Variants in SLC25A48 observed in about 807,000 individuals in gnomAD.
SLC25A48 encodes the protein CTC-321K16.1.
SLC25A48 carries 29 observed loss-of-function variants against 32.2 expected under a neutral mutation model. The observed-to-expected ratio is 0.90, with a 90% CI of 0.67 to 1.23. The LOEUF is 1.23. Ranked by LOEUF, SLC25A48 falls within the 50% of genes most tolerant of loss-of-function variation. The probability of loss-of-function intolerance (pLI) is 0.00; values close to 1 mark genes in which losing one functional copy is unlikely to be tolerated. For synonymous variants in SLC25A48, 164 were observed against 172.3 expected (o/e 0.95, Z 0.38); for missense variants, 399 against 422.7 (o/e 0.94, Z 0.49).
At chr5:135,619,384 G>T (rs1263432845) in intron 1 of SLC25A48, among the ~76,000 whole-genome samples, 5 of 151,802 alleles carry the variant, frequency 3.3e-5, no homozygotes. Context: ...TAGCTTTTTG[G>T]TAAATTTCTC....
intron 3 of SLC25A48, among the ~76,000 whole-genome samples, chr5:135,785,023 C>G (rs116643235): frequency 3.4e-5 from 2 of 58,164 alleles, no homozygotes; most frequent in Non-Finnish European, 6.5e-5. Context: ...ATAAGGTGGA[C>G]AGGATGATAT....
At chr5:135,766,579 G>T (rs11957028) in intron 3 of SLC25A48, among the ~76,000 whole-genome samples, 45,482 of 150,864 alleles carry the variant, frequency 0.3, 6,945 homozygotes, top group East Asian at 0.46. Context: ...GAAGGAAAGG[G>T]TGATATTACT....
chr5:135,801,434 T>G (rs1757324167), intron 3 of SLC25A48, among the ~76,000 whole-genome samples: 1 of 151,152 alleles, frequency 6.6e-6, no homozygotes, highest in African/African-American at 2.4e-5. Context: ...GCTTGTGATA[T>G]TGTTGGTAAT....
chr5:135,625,921 T>C (rs1580733216), intron 1 of SLC25A48, among the ~76,000 whole-genome samples: 1 of 152,270 alleles, frequency 6.6e-6, no homozygotes, highest in African/African-American at 2.4e-5. Flanking sequence ...AAATCTCTCC[T>C]GTAGGTATCT....
At chr5:135,704,536 G>A (rs2126968961) in intron 3 of SLC25A48, among the ~76,000 whole-genome samples, 1 of 152,132 alleles carries the variant, frequency 6.6e-6, no homozygotes, top group East Asian at 1.9e-4. Flanking sequence ...GTTACTTTAT[G>A]GGACACATGT....
At chr5:135,764,814 C>T (rs1031264176) in intron 3 of SLC25A48, among the ~76,000 whole-genome samples, 6 of 149,704 alleles carry the variant, frequency 4.0e-5, no homozygotes, top group African/African-American at 1.5e-4. Flanking sequence ...CCCCATATCA[C>T]GGGGGGTGTG....
chr5:135,614,914 T>C (rs1226980709), intron 1 of SLC25A48, among the ~76,000 whole-genome samples: 6 of 152,156 alleles, frequency 3.9e-5, no homozygotes, highest in African/African-American at 1.4e-4. Context: ...TAAAAGTGTG[T>C]AGCACCTCCC....
At chr5:135,777,852 T>C (rs1369222359) in intron 3 of SLC25A48, among the ~76,000 whole-genome samples, 2 of 151,700 alleles carry the variant, frequency 1.3e-5, no homozygotes, top group Non-Finnish European at 2.9e-5. Context: ...TGTGATATTG[T>C]TCCTAATGCT....
intron 1 of SLC25A48, among the ~76,000 whole-genome samples, chr5:135,611,719 CACAA>C (rs572713076): frequency 9.0e-4 from 136 of 151,926 alleles, no homozygotes; most frequent in Non-Finnish European, 1.6e-3. Context: ...CTCAAAAAGA[CACAA>C]ACAAACAACC....
At chr5:135,856,718 T>C (rs1760354101) in intron 4 of SLC25A48, among the ~76,000 whole-genome samples, 1 of 152,202 alleles carries the variant, frequency 6.6e-6, no homozygotes, top group Non-Finnish European at 1.5e-5. Context: ...CACAATTCAA[T>C]TTGATTCAAG....
chr5:135,830,602 G>A (rs59267769), upstream of SLC25A48, among the ~76,000 whole-genome samples: 28,850 of 152,172 alleles, frequency 0.19, 2,908 homozygotes, highest in Middle Eastern at 0.25. Context: ...TTCCCAAAGT[G>A]CCATCAACAA....
At chr5:135,721,516 T>G (rs1460398593) in intron 3 of SLC25A48, among the ~76,000 whole-genome samples, 3 of 152,138 alleles carry the variant, frequency 2.0e-5, no homozygotes. Context: ...CACTCACATT[T>G]TAACTGGAGT....
At position 135,835,057 on chromosome 5, in the gene SLC25A48, T is replaced by A. The variant is rs1758381883; in HGVS notation, c.46+164T>A. 4.7e-6 allele frequency: 4 copies of A among 845,408 alleles called. No homozygotes were observed. In the South Asian group the frequency reaches 5.8e-5, roughly 12 times the overall value. The allele number at this position is 845,408 out of a possible 1,614,324, so 52.4% of individuals were successfully genotyped here. A position where few individuals can be genotyped will look rare whatever the true frequency, so the allele number is the denominator to read the frequency against. ...GGCCCCGAGATCCCCCTGGTGGTCT[T>A]GCAGTTGCCAGGGCTAAATTCTGAG... On this transcript the variant is annotated intron_variant, in intron 1 of 7. Transcript: ENST00000681962.
At chr5:135,779,859 A>C (rs1756677293) in intron 3 of SLC25A48, among the ~76,000 whole-genome samples, 1 of 116,178 alleles carries the variant, frequency 8.6e-6, no homozygotes, top group African/African-American at 2.6e-5. Flanking sequence ...AATATCCAGG[A>C]AGGGGGAGGA....
chr5:135,621,347 A>T (rs1183681176), intron 1 of SLC25A48, among the ~76,000 whole-genome samples: 1 of 152,368 alleles, frequency 6.6e-6, no homozygotes, highest in Non-Finnish European at 1.5e-5. Flanking sequence ...TTTCTAAATT[A>T]TGTTTTCAGT....
intron 3 of SLC25A48, chr5:135,649,378 C>T (rs1753049246): frequency 6.6e-6 from 1 of 152,176 alleles, no homozygotes; most frequent in South Asian, 2.1e-4. Flanking sequence ...TTTTCTTCAT[C>T]AAGTGTTGAC....
In SLC25A48 at chr5:135,808,748, G is replaced by A. The variant is rs758811827; in HGVS notation, c.-520-3775G>A. On this transcript the variant is annotated intron_variant, in intron 3 of 10. Coordinates refer to the SLC25A48 transcript ENST00000646290. ...CATGTAAAGCACAAGAACATGGAAG[G>A]TGCTTACTAAATGTTACTTATCTTT... Among the ~76,000 whole-genome samples the A allele has an allele frequency of 2.4e-4, 36 of 152,234 alleles. 1 individual carries two copies. The highest frequency in any genetic ancestry group is 7.3e-5 in the Non-Finnish European group (5 of 68,030).
chr5:135,692,931 A>T lies in SLC25A48; in HGVS notation c.-521+57975A>T, dbSNP rs565456550. Among the ~76,000 whole-genome samples the T allele has an allele frequency of 3.3e-5, 5 of 152,308 alleles. No homozygotes were observed. The South Asian group carries it at 1.0e-3, about 32-fold the overall frequency. On this transcript the variant is annotated intron_variant, in intron 3 of 10. Transcript: ENST00000646290. Reference sequence around the variant, plus strand: ...GATTAGAATATAAGGTCCAATGAGTAAAGGTCCTCTAAGTGCTTTAAATTT... The same window carrying T: ...GATTAGAATATAAGGTCCAATGAGTTAAGGTCCTCTAAGTGCTTTAAATTT...
chr5:135,634,394 T>C (rs31261), intron 2 of SLC25A48, among the ~76,000 whole-genome samples: 47,794 of 152,208 alleles, frequency 0.31, 7,944 homozygotes, highest in East Asian at 0.62. Flanking sequence ...GAGTGGAAGT[T>C]CTGGCTAATG....
Sources: allele counts gnomAD v4.1 joint callset (sites outside exome capture counted in the v4.1 genomes callset), GRCh38; gene constraint gnomAD v4.1.1; transcripts MANE v1.5; gene names NCBI Gene and HGNC (gene_info 2026-07-23, HGNC 2026-07-21).